Variants in PRRC2B observed in about 807,000 individuals in gnomAD.
PRRC2B encodes proline rich coiled-coil 2B, also known as protein PRRC2B.
A neutral mutation model predicts 242.3 loss-of-function variants in PRRC2B; 68 were observed. The ratio of observed to expected loss-of-function variants is 0.28; its 90% CI spans 0.23 to 0.34. The LOEUF is 0.34. PRRC2B is among the 10% of genes least tolerant of loss of function. The pLI, the probability that PRRC2B is intolerant of heterozygous loss-of-function variation, is 1.00. For synonymous variants in PRRC2B, 1,228 were observed against 1,173.6 expected (o/e 1.05, Z -0.95); for missense variants, 2,835 against 2,954.8 (o/e 0.96, Z 0.94).
chr9:131,469,832 G>A (rs1476707058), intron 13 of PRRC2B, among the ~76,000 whole-genome samples: 3 of 152,212 alleles, frequency 2.0e-5, no homozygotes, highest in Non-Finnish European at 4.4e-5. Flanking sequence ...TTACCCATTT[G>A]TGCAAATGTT....
intron 1 of PRRC2B, among the ~76,000 whole-genome samples, chr9:131,420,032 G>A (rs113339395): frequency 2.6e-5 from 4 of 152,138 alleles, no homozygotes; most frequent in African/African-American, 9.7e-5. Context: ...TTCTCCACTG[G>A]GGGTGGGGAG....
At chr9:131,418,713 G>A (rs1008856682) in intron 1 of PRRC2B, among the ~76,000 whole-genome samples, 2 of 152,248 alleles carry the variant, frequency 1.3e-5, no homozygotes, top group South Asian at 2.1e-4. Flanking sequence ...CTTCCTCCTC[G>A]GTGTGTGTGT....
At chr9:131,478,430 T>G in intron 17 of PRRC2B, 44 bp from the exon 18 acceptor site, 1 of 1,596,414 alleles carries the variant, frequency 6.3e-7, no homozygotes, top group South Asian at 1.1e-5. Context: ...TCTTGTCTCC[T>G]GGTGAGTGGA....
chr9:131,492,443 G>A (rs1354356323), intron 30 of PRRC2B, among the ~76,000 whole-genome samples, 183 bp downstream of exon 30: 1 of 152,226 alleles, frequency 6.6e-6, no homozygotes, highest in African/African-American at 2.4e-5. Context: ...ATTTGGGGGA[G>A]TGAGGAGTCA....
intron 17 of PRRC2B, 73 bp from the exon 18 acceptor site, chr9:131,478,401 G>A (rs891397675): frequency 4.9e-6 from 7 of 1,417,496 alleles, no homozygotes; most frequent in Non-Finnish European, 6.9e-6. Context: ...GATCTCAGGC[G>A]CCTGTTGAAT....
intron 1 of PRRC2B, among the ~76,000 whole-genome samples, chr9:131,404,738 C>T (rs558288203): frequency 3.3e-5 from 5 of 152,318 alleles, no homozygotes; most frequent in South Asian, 2.1e-4. Flanking sequence ...GCTACGCAGA[C>T]GGATTATGTT....
At position 131,478,572 on chromosome 9, in the gene PRRC2B, C is replaced by T. The variant is rs757527606; in HGVS notation, c.4711C>T (p.Arg1571Cys). 2.5e-6 allele frequency: 4 copies of T among 1,608,388 alleles called. No homozygotes were observed. Among genetic ancestry groups the T allele is most frequent in the South Asian group, 2.2e-5 (2 of 90,878 alleles). ...GFIEVLTKKQ[R>C]RLLEEERRKK... ...CATCGAAGTCCTGACCAAGAAGCAG[C>T]GCCGCCTGCTGGAGGAAGAGAGAAG... is the stretch of plus-strand genomic sequence containing the variant. The change falls in exon 18 of 32, where the codon CGC (arginine) becomes TGC (cysteine). Residue 1571 changes from arginine (R) to cysteine (C), a missense_variant. Around this residue, in one of 7 missense-constraint regions of PRRC2B, gnomAD observed 1,536 missense variants for 1,483.1 expected, o/e 1.04. Transcript: ENST00000683519.
In PRRC2B at chr9:131,446,617, C is replaced by G; in HGVS notation, c.830C>G (p.Thr277Arg). The part of the protein sequence containing the change: ...QFMGNVYHPP[T>R]YHDMLPAFMC... Reference sequence around the variant, plus strand: ...ATGGGAAATGTATACCACCCACCTACATACCATGACATGCTTCCTGCTTTT... The same window carrying G: ...ATGGGAAATGTATACCACCCACCTAGATACCATGACATGCTTCCTGCTTTT... The change falls in exon 7 of 32, where the codon ACA becomes AGA. Residue 277 changes from threonine (T) to arginine (R), a missense_variant. Around this residue, in one of 7 missense-constraint regions of PRRC2B, gnomAD observed 626 missense variants for 685.5 expected, o/e 0.91. Coordinates refer to ENST00000683519, the MANE Select transcript of PRRC2B (RefSeq NM_013318.4). This position sits in a 1 kb window ranked among gnomAD's most constrained non-coding sequence, Gnocchi z 4.1. The G allele has an allele frequency of 1.2e-6, 2 of 1,614,014 alleles. No homozygotes were observed. The highest frequency in any genetic ancestry group is 1.7e-6 in the Non-Finnish European group (2 of 1,179,878).
In PRRC2B at chr9:131,470,860, C is replaced by A; in HGVS notation, c.1984C>A (p.Pro662Thr). Residue 662 changes from proline (P) to threonine (T), a missense_variant, in exon 14 of 32, where the codon CCA becomes ACA. By Grantham distance (38) the Pro-to-Thr change is conservative. Coordinates refer to ENST00000683519, the MANE Select transcript of PRRC2B (RefSeq NM_013318.4). The stretch of plus-strand genomic sequence containing the variant: ...GTCCCACCCCCAGCGCACCTTTTAC[C>A]CACACCACCCCCAGATGTTGGGCTT... ...PPSHPQRTFY[P>T]HHPQMLGFDP... 1.9e-6 allele frequency: 3 copies of A among 1,609,410 alleles called. No homozygotes were observed.
chr9:131,495,094 T>G (rs1944294892), intron 31 of PRRC2B, among the ~76,000 whole-genome samples: 1 of 152,016 alleles, frequency 6.6e-6, no homozygotes, highest in Admixed American at 6.5e-5. Flanking sequence ...GTCATGAAAG[T>G]TGTGTGGAAT....
chr9:131,490,911 A>G (rs903195445), intron 28 of PRRC2B: 1 of 308,026 alleles, frequency 3.2e-6, no homozygotes, highest in Non-Finnish European at 6.5e-6. Flanking sequence ...CCCCGTGTGC[A>G]CCCATAAATC....
At chr9:131,485,814 G>A in intron 25 of PRRC2B, 3 of 709,532 alleles carry the variant, frequency 4.2e-6, no homozygotes, top group Non-Finnish European at 7.8e-6. Flanking sequence ...GTGAGTGGGA[G>A]GTGGGAAGGG....
chr9:131,446,652 C>T lies in PRRC2B; in HGVS notation c.855+10C>T, dbSNP rs765937811. The T allele has an allele frequency of 6.2e-7, 1 of 1,613,290 alleles. No individual in the cohort carries two copies. On this transcript the variant is annotated intron_variant, in intron 7 of 31. Coordinates refer to ENST00000683519, the MANE Select transcript of PRRC2B (RefSeq NM_013318.4). The surrounding 1 kb of genome is among the most constrained non-coding windows in gnomAD (Gnocchi z 4.1). ...CATGCTTCCTGCTTTTGTAAGTCTTCAGAGTGTACTTTTTTTCCCCCCATG... is the reference window on the plus strand; with the variant it reads ...CATGCTTCCTGCTTTTGTAAGTCTTTAGAGTGTACTTTTTTTCCCCCCATG...
At chr9:131,435,652 T>C (rs1384160412) in intron 3 of PRRC2B, among the ~76,000 whole-genome samples, 1 of 151,800 alleles carries the variant, frequency 6.6e-6, no homozygotes, top group Non-Finnish European at 1.5e-5. Flanking sequence ...AAAAAATTCT[T>C]ATTGCAGTTG....
At chr9:131,426,805 ACATTCAG>A (rs1209357498) in intron 1 of PRRC2B, among the ~76,000 whole-genome samples, 1 of 152,230 alleles carries the variant, frequency 6.6e-6, no homozygotes, top group Non-Finnish European at 1.5e-5. Flanking sequence ...GCCCTCTAGT[ACATTCAG>A]CATCCTTGGG....
chr9:131,484,825 C>T (rs768363374), intron 24 of PRRC2B, 35 bp downstream of exon 24: 1 of 1,578,998 alleles, frequency 6.3e-7, no homozygotes, highest in East Asian at 2.3e-5. Flanking sequence ...AGGGCCCACC[C>T]AGTACCTTAG....
intron 9 of PRRC2B, among the ~76,000 whole-genome samples, chr9:131,452,079 AATAAGATTGGTATTTTTGTAAGATCAGT>A (rs55808118): frequency 0.88 from 131,596 of 149,758 alleles, 58,419 homozygotes; most frequent in South Asian, 0.96. Flanking sequence ...TTTCCTAAAG[AATAAGATTGGTATTTTTGTAAGATCAGT>A]ATAAGATTGG....
At chr9:131,386,566 A>G (rs988286331) in intron 1 of PRRC2B, among the ~76,000 whole-genome samples, 4 of 149,904 alleles carry the variant, frequency 2.7e-5, no homozygotes, top group Non-Finnish European at 4.4e-5. Context: ...CAGAACACCC[A>G]CGTCCTTCCA....
chr9:131,400,062 T>G (rs2131282013), intron 1 of PRRC2B, among the ~76,000 whole-genome samples: 2 of 152,284 alleles, frequency 1.3e-5, no homozygotes, highest in Non-Finnish European at 2.9e-5. Context: ...CTCTCCAGCC[T>G]TGAGCCCAAG....
Sources: gnomAD v4.1 joint callset for allele counts (sites outside exome capture counted in the v4.1 genomes callset) on GRCh38, gnomAD v4.1.1 for gene constraint, gnomAD v4.1.1 regional missense constraint, Gnocchi (gnomAD v3.1) non-coding constraint, MANE v1.5 for transcripts, NCBI Gene and HGNC (gene_info 2026-07-23, HGNC 2026-07-21) for gene names.